The following HYAL4 variants were observed in gnomAD, a reference collection of about 807,000 sequenced individuals.
The protein encoded by HYAL4 is hyaluronidase 4, also known as hyaluronidase-4.
A neutral mutation model predicts 35.2 loss-of-function variants in HYAL4; 37 were observed. The ratio of observed to expected loss-of-function variants is 1.05; its 90% CI spans 0.81 to 1.38. The LOEUF (loss-of-function observed/expected upper bound fraction) is 1.38, where lower values mean the gene tolerates loss of function less well. HYAL4 is among the 40% of genes most tolerant of loss of function. The pLI is 0.00. For missense variants in HYAL4, 572 were observed against 572.4 expected, an observed-to-expected ratio of 1.00 and a Z score of 0.01; for synonymous variants, 198 against 203.2, an observed-to-expected ratio of 0.97 and a Z score of 0.22.
chr7:123,783,700 T>C, the HYAL4 span, among the ~76,000 whole-genome samples: 2 of 152,096 alleles, frequency 1.3e-5, no homozygotes, highest in Non-Finnish European at 2.9e-5. Context: ...GGGGCAAATA[T>C]AAGTTTAAAA....
intron 2 of HYAL4, among the ~76,000 whole-genome samples, chr7:123,866,781 T>TTC (rs892647086): frequency 2.6e-5 from 4 of 151,492 alleles, no homozygotes; most frequent in East Asian, 1.9e-4. Flanking sequence ...TATCTTCTCT[T>TTC]TCTCTCTCTT....
the HYAL4 span, among the ~76,000 whole-genome samples, chr7:123,765,806 A>C: frequency 2.0e-5 from 3 of 152,116 alleles, no homozygotes; most frequent in Non-Finnish European, 4.4e-5. Flanking sequence ...TTTATACCCC[A>C]AAATAGCAAA....
the HYAL4 span, among the ~76,000 whole-genome samples, chr7:123,788,839 C>G: frequency 6.6e-6 from 1 of 152,198 alleles, no homozygotes; most frequent in Non-Finnish European, 1.5e-5. Context: ...TACCTCTGTT[C>G]GTAAAATTCC....
At chr7:123,802,320 A>C in the HYAL4 span, among the ~76,000 whole-genome samples, 20 of 152,174 alleles carry the variant, frequency 1.3e-4, no homozygotes, top group Non-Finnish European at 2.9e-4. Context: ...ATCTTTTAAT[A>C]ATCTTCAGAT....
chr7:123,846,341 G>A (rs759657275), intron 1 of HYAL4, among the ~76,000 whole-genome samples: 1 of 152,098 alleles, frequency 6.6e-6, no homozygotes, highest in Non-Finnish European at 1.5e-5. Context: ...GTGGATGGGG[G>A]TGTTGTTCCC....
At chr7:123,804,880 T>A in the HYAL4 span, among the ~76,000 whole-genome samples, 16 of 152,332 alleles carry the variant, frequency 1.1e-4, no homozygotes, top group East Asian at 3.1e-3. Context: ...TCTTATTGAG[T>A]ATTTAAAATT....
At chr7:123,872,436 C>G (rs182678739) in intron 3 of HYAL4, among the ~76,000 whole-genome samples, 20 of 152,284 alleles carry the variant, frequency 1.3e-4, no homozygotes, top group African/African-American at 4.3e-4. Context: ...TAGTAATGCT[C>G]CAGCTCCCCA....
chr7:123,817,761 C>CA, the HYAL4 span, among the ~76,000 whole-genome samples: 1 of 151,854 alleles, frequency 6.6e-6, no homozygotes, highest in African/African-American at 2.4e-5. Context: ...CCACCCGCCT[C>CA]AGCCTCCCAA....
chr7:123,775,493 C>T, the HYAL4 span, among the ~76,000 whole-genome samples: 1 of 151,968 alleles, frequency 6.6e-6, no homozygotes, highest in African/African-American at 2.4e-5. Context: ...ATATTCCATA[C>T]TAAAGCTATA....
chr7:123,772,027 T>C, the HYAL4 span, among the ~76,000 whole-genome samples: 1 of 152,114 alleles, frequency 6.6e-6, no homozygotes, highest in Admixed American at 6.5e-5. Flanking sequence ...GACTGGGATT[T>C]ACACTATCAG....
At chr7:123,773,966 G>T in the HYAL4 span, among the ~76,000 whole-genome samples, 1 of 152,086 alleles carries the variant, frequency 6.6e-6, no homozygotes, top group Non-Finnish European at 1.5e-5. Context: ...AGGCAGTGGG[G>T]GGTCAAGGGT....
At chr7:123,873,186 T>C (rs984424085) in intron 3 of HYAL4, among the ~76,000 whole-genome samples, 12 of 152,144 alleles carry the variant, frequency 7.9e-5, no homozygotes, top group African/African-American at 2.9e-4. Context: ...TCCTCCTCTG[T>C]CCCTGTTCAT....
chr7:123,877,021 T>C lies in HYAL4; in HGVS notation c.1312T>C (p.Tyr438His). The C allele has an allele frequency of 6.2e-7, 1 of 1,614,216 alleles. No individual in the cohort carries two copies. The highest frequency in any genetic ancestry group is 8.5e-7 in the Non-Finnish European group (1 of 1,180,022). Reference protein sequence around the residue: ...VMADTFSCHCYQGYEGADCRE... With the variant: ...VMADTFSCHCHQGYEGADCRE... ...GGCAGATACATTTTCCTGTCATTGT[T>C]ATCAGGGATATGAAGGAGCTGATTG... Residue 438 changes from tyrosine (Y) to histidine (H), a missense_variant, in exon 5 of 5, where the codon TAT (tyrosine) becomes CAT (histidine). Physicochemically the swap from Tyr to His is moderately conservative, Grantham distance 83. Coordinates refer to ENST00000223026, the MANE Select transcript of HYAL4 (RefSeq NM_012269.3).
At chr7:123,828,457 C>CACACAG (rs761235203), upstream of HYAL4, among the ~76,000 whole-genome samples, 1 of 150,862 alleles carries the variant, frequency 6.6e-6, no homozygotes, top group African/African-American at 2.4e-5. Flanking sequence ...CACACACACA[C>CACACAG]ACACACCTCT....
chr7:123,801,778 G>T, the HYAL4 span, among the ~76,000 whole-genome samples: 1 of 152,004 alleles, frequency 6.6e-6, no homozygotes, highest in Non-Finnish European at 1.5e-5. Context: ...TACATATTTA[G>T]GCTGTTCATA....
At chr7:123,857,678 T>TTTCC (rs1806480833) in intron 2 of HYAL4, among the ~76,000 whole-genome samples, 3 of 79,036 alleles carry the variant, frequency 3.8e-5, no homozygotes, top group Admixed American at 1.2e-4. Flanking sequence ...TGTTTCTTTC[T>TTTCC]TTCTTTCTTT....
the HYAL4 span, among the ~76,000 whole-genome samples, chr7:123,772,721 G>C: frequency 4.6e-5 from 7 of 152,166 alleles, no homozygotes; most frequent in Non-Finnish European, 8.8e-5. Flanking sequence ...TGTGGAAAGT[G>C]AAGCATCTTC....
intron 2 of HYAL4, among the ~76,000 whole-genome samples, chr7:123,855,575 T>C (rs930551586): frequency 6.6e-6 from 1 of 152,228 alleles, no homozygotes; most frequent in Non-Finnish European, 1.5e-5. Flanking sequence ...CTACTGTTAG[T>C]CTGATGGACT....
chr7:123,854,420 G>A (rs752827273), intron 2 of HYAL4, among the ~76,000 whole-genome samples: 1 of 152,138 alleles, frequency 6.6e-6, no homozygotes, highest in Non-Finnish European at 1.5e-5. Flanking sequence ...GGTACATTGT[G>A]TCTTTGTTCT....
Sources: allele counts gnomAD v4.1 joint callset (sites outside exome capture counted in the v4.1 genomes callset), GRCh38; gene constraint gnomAD v4.1.1; transcripts MANE v1.5; gene names NCBI Gene and HGNC (gene_info 2026-07-23, HGNC 2026-07-21).